The following CCDC178 variants were observed in gnomAD, a reference collection of about 807,000 sequenced individuals.
The protein encoded by CCDC178 is coiled-coil domain-containing protein 178.
CCDC178 carries 126 observed loss-of-function variants against 117.4 expected under a neutral mutation model. The observed-to-expected ratio is 1.07, with a 90% CI of 0.93 to 1.24. The LOEUF is 1.24. Among genes scored for constraint, CCDC178 ranks in the 50% most tolerant of loss-of-function variants. The pLI, the probability that CCDC178 is intolerant of heterozygous loss-of-function variation, is 0.00. For synonymous variants in CCDC178, 283 were observed against 313.4 expected (o/e 0.90, Z 1.02); for missense variants, 1,030 against 986.9 (o/e 1.04, Z -0.59).
Position 33,036,060 on chromosome 18 carries a change from A to G in CCDC178, c.2388+56701T>C, listed in dbSNP as rs539843303. Among the ~76,000 whole-genome samples, 331 of 152,036 alleles carry G rather than the reference A, an allele frequency of 2.2e-3. 2 individuals are homozygous for G. The highest frequency in any genetic ancestry group is 3.4e-3 in the Non-Finnish European group (228 of 67,910). ...ATGTGGCATTTTATATTTATGCCCAATTCACTGAACTTTACTACAATTTGA... is the reference window on the plus strand; with the variant it reads ...ATGTGGCATTTTATATTTATGCCCAGTTCACTGAACTTTACTACAATTTGA... On this transcript the variant is annotated intron_variant, in intron 21 of 22. Transcript: ENST00000383096.
At chr18:33,217,938 A>G (rs1351640637) in intron 18 of CCDC178, among the ~76,000 whole-genome samples, 1 of 152,082 alleles carries the variant, frequency 6.6e-6, no homozygotes, top group Non-Finnish European at 1.5e-5. Flanking sequence ...TCTCAACTGT[A>G]AGATAGAGGT....
rs771120201 is a variant in CCDC178, at chr18:33,266,959, GT to G, written c.1365del (p.Lys455AsnfsTer9). The G allele has an allele frequency of 1.3e-6, 2 of 1,589,792 alleles. No homozygotes were observed. Among genetic ancestry groups the G allele is most frequent in the Admixed American group, 1.9e-5 (1 of 52,958 alleles). On this transcript the variant is annotated frameshift_variant, in exon 14 of 23. Transcript: ENST00000383096. LOFTEE classifies it high-confidence loss of function. ...GTTATTTTGTTAATATCAATCTCAA[GT>G]TTTTTATTGTCTTCCGTCAGTTTTG... is the stretch of plus-strand genomic sequence containing the variant. ...ACTKLTEDNK[K>X]LEIDINKITV...
At chr18:33,085,220 T>C (rs1024574969) in intron 21 of CCDC178, among the ~76,000 whole-genome samples, 2 of 152,218 alleles carry the variant, frequency 1.3e-5, no homozygotes, top group African/African-American at 2.4e-5. Context: ...ATATCTTCTA[T>C]ATGCAAAATA....
At chr18:33,142,580 T>A (rs971156779) in intron 20 of CCDC178, among the ~76,000 whole-genome samples, 1 of 152,058 alleles carries the variant, frequency 6.6e-6, no homozygotes, top group Non-Finnish European at 1.5e-5. Context: ...TGTTGGTGGA[T>A]GGGGAAATAG....
chr18:32,971,176 C>G (rs960560830), intron 22 of CCDC178, among the ~76,000 whole-genome samples: 5 of 151,856 alleles, frequency 3.3e-5, no homozygotes, highest in African/African-American at 1.2e-4. Context: ...CTCCCCTTAC[C>G]CCCCACCCCA....
chr18:33,159,425 A>G (rs2058437885), intron 20 of CCDC178, among the ~76,000 whole-genome samples: 1 of 152,156 alleles, frequency 6.6e-6, no homozygotes, highest in Non-Finnish European at 1.5e-5. Flanking sequence ...AAAGATCAGA[A>G]GTCAGAAAGA....
At chr18:32,989,799 T>C (rs1368429642) in intron 21 of CCDC178, among the ~76,000 whole-genome samples, 2 of 152,058 alleles carry the variant, frequency 1.3e-5, no homozygotes, top group Non-Finnish European at 2.9e-5. Flanking sequence ...CTGAGCAATG[T>C]AGTGAGATAA....
intron 12 of CCDC178, among the ~76,000 whole-genome samples, chr18:33,278,701 G>A (rs1319944629): frequency 2.0e-5 from 3 of 151,960 alleles, no homozygotes; most frequent in Non-Finnish European, 2.9e-5. Flanking sequence ...TTAATACACA[G>A]AAGTTACCTC....
intron 11 of CCDC178, among the ~76,000 whole-genome samples, chr18:33,316,582 C>A (rs988844252): frequency 6.6e-6 from 1 of 152,146 alleles, no homozygotes; most frequent in African/African-American, 2.4e-5. Context: ...CACCTGCCGC[C>A]CCAGTGGGAG....
At position 33,247,718 on chromosome 18, in the gene CCDC178, C is replaced by CAT. The variant is rs145945376; in HGVS notation, c.1410-2292_1410-2291dup. Among the ~76,000 whole-genome samples the CAT allele has an allele frequency of 7.3e-3, 1,108 of 151,870 alleles. 9 individuals are homozygous for CAT. The highest frequency in any genetic ancestry group is 0.026 in the African/African-American group (1,058 of 41,476). ...GTAAACTTTTTGTGTTTACTGTGTACATATGTGTATATGTGTGTTAATCTT... is the reference window on the plus strand; with the variant it reads ...GTAAACTTTTTGTGTTTACTGTGTACATATATGTGTATATGTGTGTTAATCTT... On this transcript the variant is annotated intron_variant, in intron 14 of 22. Transcript: ENST00000383096.
At chr18:33,071,057 T>G (rs2057100055) in intron 21 of CCDC178, among the ~76,000 whole-genome samples, 1 of 152,054 alleles carries the variant, frequency 6.6e-6, no homozygotes, top group Non-Finnish European at 1.5e-5. Context: ...GAAAATAGTA[T>G]GTGCTCCATC....
chr18:33,387,464 T>C (rs1338708308), intron 5 of CCDC178, among the ~76,000 whole-genome samples: 3 of 152,178 alleles, frequency 2.0e-5, no homozygotes, highest in Non-Finnish European at 2.9e-5. Context: ...CAAACTATAC[T>C]ATAAGGCTAC....
intron 12 of CCDC178, among the ~76,000 whole-genome samples, chr18:33,272,996 CT>C (rs780633711): frequency 3.9e-4 from 58 of 149,744 alleles, no homozygotes; most frequent in African/African-American, 1.4e-3. Context: ...CTCTTATTGT[CT>C]TTTTTTTAAC....
chr18:33,218,540 G>A (rs185951505), intron 18 of CCDC178, among the ~76,000 whole-genome samples: 1,683 of 152,204 alleles, frequency 0.011, 13 homozygotes, highest in Non-Finnish European at 0.018. Context: ...CCTATGTCCT[G>A]AATGGTATTG....
At chr18:33,348,272 G>A (rs963852410) in intron 8 of CCDC178, among the ~76,000 whole-genome samples, 5 of 151,744 alleles carry the variant, frequency 3.3e-5, no homozygotes, top group South Asian at 2.1e-4. Flanking sequence ...TTTTGTGGTA[G>A]GGGAAGAGGA....
At chr18:33,077,798 A>G (rs2057235109) in intron 21 of CCDC178, among the ~76,000 whole-genome samples, 1 of 152,140 alleles carries the variant, frequency 6.6e-6, no homozygotes, top group Admixed American at 6.6e-5. Context: ...ATAGCCTACC[A>G]ATCAAAAACA....
chr18:33,181,132 T>C (rs1185958555), intron 20 of CCDC178, among the ~76,000 whole-genome samples: 1 of 145,460 alleles, frequency 6.9e-6, no homozygotes, highest in African/African-American at 2.7e-5. Flanking sequence ...CTGATTTTTG[T>C]TGCATTTCAC....
chr18:33,434,923 A>G (rs73955125), intron 2 of CCDC178, among the ~76,000 whole-genome samples: 1,639 of 152,238 alleles, frequency 0.011, 29 homozygotes, highest in African/African-American at 0.037. Flanking sequence ...CTAATTTTCA[A>G]TATTTCAGAA....
intron 17 of CCDC178, among the ~76,000 whole-genome samples, 195 bp from the exon 18 acceptor site, chr18:33,223,414 A>G (rs1337956254): frequency 6.6e-6 from 1 of 152,176 alleles, no homozygotes; most frequent in Non-Finnish European, 1.5e-5. Context: ...GCACTATGTG[A>G]GAAAGCCAAA....
Sources: allele counts gnomAD v4.1 joint callset (sites outside exome capture counted in the v4.1 genomes callset), GRCh38; gene constraint gnomAD v4.1.1; transcripts MANE v1.5; gene names NCBI Gene and HGNC (gene_info 2026-07-23, HGNC 2026-07-21).